Variants in RBFOX2 observed in about 807,000 individuals in gnomAD.
RBFOX2 encodes RNA binding protein fox-1 homolog 2.
Under a neutral mutation model 49.1 loss-of-function variants are expected in RBFOX2, and 10 were observed. The observed-to-expected ratio is 0.20, with a 90% CI of 0.13 to 0.35. RBFOX2 has a LOEUF of 0.35. Ranked by LOEUF, RBFOX2 falls within the 10% of genes least tolerant of loss-of-function variation. RBFOX2 has a pLI of 1.00. For synonymous variants in RBFOX2, 183 were observed against 187.4 expected, an observed-to-expected ratio of 0.98 and a Z score of 0.19; for missense variants, 323 against 486.9, an observed-to-expected ratio of 0.66 and a Z score of 3.17.
intron 1 of RBFOX2, among the ~76,000 whole-genome samples, chr22:35,975,368 A>G (rs997451743): frequency 3.3e-5 from 5 of 152,222 alleles, no homozygotes; most frequent in African/African-American, 1.2e-4. Flanking sequence ...ATATGACCTT[A>G]AGCATATCAT....
chr22:35,960,807 GT>G (rs1223781789), intron 1 of RBFOX2, among the ~76,000 whole-genome samples: 1 of 152,106 alleles, frequency 6.6e-6, no homozygotes, highest in East Asian at 1.9e-4. Flanking sequence ...AAAATTCAGT[GT>G]TAGGTATTGA....
At chr22:36,001,229 A>T (rs1569521477) in intron 1 of RBFOX2, among the ~76,000 whole-genome samples, 1 of 113,836 alleles carries the variant, frequency 8.8e-6, no homozygotes, top group African/African-American at 3.6e-5. Context: ...ACACACACAC[A>T]CACACTATAT....
chr22:36,028,041 C>A (rs1390698749), intron 1 of RBFOX2, among the ~76,000 whole-genome samples, 199 bp downstream of exon 1: 2 of 152,138 alleles, frequency 1.3e-5, no homozygotes. Context: ...AGGACCCTCT[C>A]GGGCACACCA....
At chr22:35,977,171 T>C (rs1037794678) in intron 1 of RBFOX2, among the ~76,000 whole-genome samples, 1 of 152,054 alleles carries the variant, frequency 6.6e-6, no homozygotes, top group Non-Finnish European at 1.5e-5. Context: ...TCTCATTTTT[T>C]AAAAAAACAA....
intron 1 of RBFOX2, among the ~76,000 whole-genome samples, chr22:35,831,259 T>C (rs557443645): frequency 8.5e-5 from 13 of 152,076 alleles, no homozygotes; most frequent in Non-Finnish European, 5.9e-5. Context: ...CTGGCTAACA[T>C]GGTGAAATCC....
At chr22:36,007,750 A>C (rs1460017904) in intron 1 of RBFOX2, among the ~76,000 whole-genome samples, 1 of 152,118 alleles carries the variant, frequency 6.6e-6, no homozygotes, top group East Asian at 1.9e-4. Context: ...ATACTTTTTT[A>C]CTTTATACAA....
intron 3 of RBFOX2, 53 bp from the exon 5 acceptor site, chr22:35,778,131 A>G (rs1199993096): frequency 6.4e-6 from 9 of 1,408,986 alleles, no homozygotes; most frequent in African/African-American, 1.4e-5. Context: ...TTATCCACAT[A>G]TTTTGTTATC....
intron 1 of RBFOX2, among the ~76,000 whole-genome samples, chr22:35,870,689 G>C (rs1012008480): frequency 5.9e-5 from 9 of 152,038 alleles, no homozygotes; most frequent in African/African-American, 2.2e-4. Context: ...AAACAGTGGG[G>C]TATATTATAT....
intron 5 of RBFOX2, among the ~76,000 whole-genome samples, chr22:35,767,541 G>A (rs1941380762): frequency 6.6e-6 from 1 of 152,120 alleles, no homozygotes; most frequent in Admixed American, 6.5e-5. Context: ...TGGGAAAGGG[G>A]AAAGGAGCCA....
chr22:35,961,355 T>C (rs2056185019), intron 1 of RBFOX2, among the ~76,000 whole-genome samples: 1 of 152,196 alleles, frequency 6.6e-6, no homozygotes, highest in South Asian at 2.1e-4. Context: ...CTTTGTTAAA[T>C]AAATGTCTTC....
At chr22:35,986,715 T>C (rs997524876) in intron 1 of RBFOX2, among the ~76,000 whole-genome samples, 1 of 152,208 alleles carries the variant, frequency 6.6e-6, no homozygotes, top group African/African-American at 2.4e-5. Flanking sequence ...GCTAAATGTA[T>C]AGACGTATTC....
chr22:35,919,471 T>C lies in RBFOX2; in HGVS notation c.-34+19376A>G, dbSNP rs570199603. 9.2e-5 allele frequency among the ~76,000 whole-genome samples: 14 copies of C among 151,420 alleles called. No individual in the cohort carries two copies. The East Asian group carries it at 2.7e-3, about 29-fold the overall frequency. ...TAGCTTGAACCTGGGAGGCGGAGGT[T>C]GCAGTGAGCCGAGATCATGCTACTG... On this transcript the variant is annotated intron_variant, in intron 1 of 13. Transcript: ENST00000359369.
At chr22:35,897,275 G>A (rs1603442646) in intron 1 of RBFOX2, 13 of 1,508,000 alleles carry the variant, frequency 8.6e-6, no homozygotes, top group South Asian at 1.1e-5. Flanking sequence ...AAATGTTGAC[G>A]GTCTTGGCCA....
In RBFOX2 at chr22:35,955,178, T is replaced by G. The variant is rs1004509180; in HGVS notation, c.42+6385A>C. 2.6e-5 allele frequency among the ~76,000 whole-genome samples: 4 copies of G among 152,212 alleles called. No individual in the cohort carries two copies. In the South Asian group the frequency reaches 8.3e-4, roughly 32 times the overall value. On this transcript the variant is annotated intron_variant, in intron 1 of 5. Coordinates refer to the RBFOX2 transcript ENST00000408983. ...TTCAACCACTACTGAAATGAAAGAT[T>G]AGAGAACTAGAGCTGCAATTCTCAA...
chr22:35,934,848 G>A (rs2052868090), intron 1 of RBFOX2, among the ~76,000 whole-genome samples: 1 of 152,124 alleles, frequency 6.6e-6, no homozygotes, highest in Non-Finnish European at 1.5e-5. Context: ...CTGGGAACAC[G>A]CCTAAGCACA....
At chr22:36,028,568 T>A (rs991444453) in exon 1 of RBFOX2, 3 of 685,396 alleles carry the variant, frequency 4.4e-6, no homozygotes, top group Non-Finnish European at 5.4e-6. Context: ...GCGAGCGGAC[T>A]CCGCGCCCCT....
At chr22:35,851,624 C>A (rs1403239801) in intron 1 of RBFOX2, among the ~76,000 whole-genome samples, 1 of 151,942 alleles carries the variant, frequency 6.6e-6, no homozygotes. Context: ...GTCAGGAGTT[C>A]GAGACCAGCC....
chr22:36,016,475 A>G (rs931782868), intron 1 of RBFOX2, among the ~76,000 whole-genome samples: 2 of 150,252 alleles, frequency 1.3e-5, no homozygotes, highest in African/African-American at 4.9e-5. Context: ...ATGCAGCCAG[A>G]AAAAAAAAAT....
chr22:35,766,722 T>G (rs1313112813), intron 5 of RBFOX2, among the ~76,000 whole-genome samples: 1 of 152,000 alleles, frequency 6.6e-6, no homozygotes, highest in Non-Finnish European at 1.5e-5. Flanking sequence ...GGGGAGAAAC[T>G]GAAAAGCAAG....
Sources: gnomAD v4.1 joint callset for allele counts (sites outside exome capture counted in the v4.1 genomes callset) on GRCh38, gnomAD v4.1.1 for gene constraint, MANE v1.5 for transcripts, NCBI Gene and HGNC (gene_info 2026-07-23, HGNC 2026-07-21) for gene names.